The following CSMD1 variants were observed in gnomAD, a reference collection of about 807,000 sequenced individuals.
CSMD1 encodes the protein CUB and Sushi multiple domains 1.
A neutral mutation model predicts 417.5 loss-of-function variants in CSMD1; 213 were observed. That is an observed-to-expected ratio of 0.51 (90% confidence interval 0.46 to 0.57). CSMD1 has a LOEUF of 0.57. Ranked by LOEUF, CSMD1 falls within the 20% of genes least tolerant of loss-of-function variation. CSMD1 has a pLI of 0.00. For missense variants in CSMD1, 6,923 were observed against 4,529.7 expected (o/e 1.53, Z -15.17); for synonymous variants, 2,862 against 1,736.8 (o/e 1.65, Z -16.11).
chr8:4,636,662 C>A (rs1165318033), intron 2 of CSMD1, among the ~76,000 whole-genome samples: 2 of 152,120 alleles, frequency 1.3e-5, no homozygotes, highest in African/African-American at 2.4e-5. Flanking sequence ...AGATCTTGAA[C>A]AATATATCTA....
At chr8:3,790,875 G>A (rs892163289) in intron 5 of CSMD1, among the ~76,000 whole-genome samples, 2 of 152,098 alleles carry the variant, frequency 1.3e-5, no homozygotes, top group Non-Finnish European at 2.9e-5. Flanking sequence ...TTTTTGAGAT[G>A]GAAACTGTCG....
chr8:4,291,733 C>G lies in CSMD1; in HGVS notation c.415+128220G>C, dbSNP rs115150892. On this transcript the variant is annotated intron_variant, in intron 3 of 69. Coordinates refer to ENST00000635120, the MANE Select transcript of CSMD1 (RefSeq NM_033225.6). ...TAAACCCAGTCTAATCAGTTATATG[C>G]GGAGACAAAAGTTAAAGAATATTAG... Among the ~76,000 whole-genome samples, 1,239 of 152,122 alleles carry G rather than the reference C, an allele frequency of 8.1e-3. 15 individuals carry two copies. The highest frequency in any genetic ancestry group is 0.029 in the African/African-American group (1,203 of 41,510).
At chr8:4,404,016 T>A (rs536071842) in intron 3 of CSMD1, among the ~76,000 whole-genome samples, 1 of 152,314 alleles carries the variant, frequency 6.6e-6, no homozygotes, top group East Asian at 1.9e-4. Flanking sequence ...CAAACTCGAT[T>A]GGTATTAAAG....
chr8:4,611,599 G>A (rs1215534259), intron 2 of CSMD1, among the ~76,000 whole-genome samples: 2 of 152,086 alleles, frequency 1.3e-5, no homozygotes, highest in Non-Finnish European at 2.9e-5. Flanking sequence ...ACCAGAAGAT[G>A]AAACTCTCTT....
At chr8:4,317,312 T>A (rs1041738536) in intron 3 of CSMD1, among the ~76,000 whole-genome samples, 4 of 152,238 alleles carry the variant, frequency 2.6e-5, no homozygotes, top group African/African-American at 4.8e-5. Flanking sequence ...ATAAATTTCC[T>A]GCTTGCTAAC....
intron 5 of CSMD1, among the ~76,000 whole-genome samples, chr8:3,950,203 T>C (rs1362141253): frequency 6.6e-6 from 1 of 152,204 alleles, no homozygotes; most frequent in African/African-American, 2.4e-5. Context: ...GATCCAATAC[T>C]GACTGTGAAG....
intron 2 of CSMD1, among the ~76,000 whole-genome samples, chr8:4,493,025 C>T (rs1801786668): frequency 1.3e-5 from 2 of 151,864 alleles, no homozygotes; most frequent in African/African-American, 4.8e-5. Context: ...GAATAAAGGC[C>T]AAAAGAAAAA....
At chr8:3,858,897 A>G (rs567636300) in intron 5 of CSMD1, among the ~76,000 whole-genome samples, 4 of 152,200 alleles carry the variant, frequency 2.6e-5, no homozygotes, top group Non-Finnish European at 5.9e-5. Flanking sequence ...ATGTAAATCT[A>G]TATATTTTAC....
chr8:3,832,460 T>C (rs778217009), intron 5 of CSMD1, among the ~76,000 whole-genome samples: 7 of 152,224 alleles, frequency 4.6e-5, no homozygotes, highest in African/African-American at 7.2e-5. Flanking sequence ...TAAGATAAGA[T>C]TTTTTGTTTC....
intron 5 of CSMD1, among the ~76,000 whole-genome samples, chr8:3,840,694 T>TG (rs1803077401): frequency 1.2e-5 from 1 of 83,880 alleles, no homozygotes; most frequent in African/African-American, 5.1e-5. Context: ...TTTTTTTTAA[T>TG]TTTTTTTTTT....
At chr8:3,545,283 T>G (rs1563139953) in intron 10 of CSMD1, among the ~76,000 whole-genome samples, 1 of 152,222 alleles carries the variant, frequency 6.6e-6, no homozygotes, top group Non-Finnish European at 1.5e-5. Flanking sequence ...ATGGTCTTCA[T>G]GATTTTCAAA....
At chr8:4,081,680 G>A (rs1800141922) in intron 3 of CSMD1, among the ~76,000 whole-genome samples, 1 of 152,154 alleles carries the variant, frequency 6.6e-6, no homozygotes, top group Admixed American at 6.5e-5. Flanking sequence ...AATTCTCAAT[G>A]AAGTCCAAAA....
At chr8:4,137,365 C>T (rs1803503071) in intron 3 of CSMD1, among the ~76,000 whole-genome samples, 1 of 77,390 alleles carries the variant, frequency 1.3e-5, no homozygotes, top group Admixed American at 1.5e-4. Flanking sequence ...AGAATGCAAA[C>T]TTCTTATGCT....
rs564655952 is a variant in CSMD1, at chr8:4,284,140, G to C, written c.415+135813C>G. 1.3e-3 allele frequency among the ~76,000 whole-genome samples: 203 copies of C among 152,220 alleles called. 1 individual carries two copies. The highest frequency in any genetic ancestry group is 3.4e-3 in the Middle Eastern group (1 of 292). On this transcript the variant is annotated intron_variant, in intron 3 of 69. Coordinates refer to ENST00000635120, the MANE Select transcript of CSMD1 (RefSeq NM_033225.6). ...CCTAGCATTTTGGGAGGCCGAGAAG[G>C]GTGGATCACCTGAGGTCAGGAGTTC...
intron 3 of CSMD1, among the ~76,000 whole-genome samples, chr8:4,189,613 G>A (rs1033323406): frequency 3.3e-5 from 5 of 152,082 alleles, no homozygotes; most frequent in African/African-American, 9.7e-5. Flanking sequence ...TTGGAAAATG[G>A]CAAAGACCCC....
chr8:3,366,917 AC>A, intron 20 of CSMD1, 114 bp downstream of exon 20: 1 of 840,764 alleles, frequency 1.2e-6, no homozygotes, highest in South Asian at 1.6e-5. Context: ...TCACGCATGT[AC>A]AAACACACAC....
At chr8:3,965,800 G>A (rs1011005970) in intron 5 of CSMD1, among the ~76,000 whole-genome samples, 1 of 151,902 alleles carries the variant, frequency 6.6e-6, no homozygotes, top group Non-Finnish European at 1.5e-5. Flanking sequence ...TGTACCTTTA[G>A]TAGAGATGGG....
intron 1 of CSMD1, among the ~76,000 whole-genome samples, chr8:4,762,775 TC>T (rs1812201175): frequency 6.6e-6 from 1 of 152,260 alleles, no homozygotes; most frequent in South Asian, 2.1e-4. Flanking sequence ...TCCTCTGAGC[TC>T]TTTGAAATGA....
intron 3 of CSMD1, among the ~76,000 whole-genome samples, chr8:4,349,922 G>T (rs548121314): frequency 6.6e-6 from 1 of 151,016 alleles, no homozygotes; most frequent in Non-Finnish European, 1.5e-5. Flanking sequence ...GTTGTGCTAT[G>T]ACCTTTATAC....
Sources: gnomAD v4.1 joint callset for allele counts (sites outside exome capture counted in the v4.1 genomes callset) on GRCh38, gnomAD v4.1.1 for gene constraint, MANE v1.5 for transcripts, NCBI Gene and HGNC (gene_info 2026-07-23, HGNC 2026-07-21) for gene names.